Variants in IMPA2 observed in about 807,000 individuals in gnomAD.
IMPA2 encodes the protein IMP 2.
In IMPA2, 32 loss-of-function variants were observed where a neutral mutation model predicts 35.1. The ratio of observed to expected loss-of-function variants is 0.91; its 90% CI spans 0.69 to 1.23. IMPA2 has a LOEUF of 1.23. IMPA2 is among the 50% of genes most tolerant of loss of function. IMPA2 has a pLI of 0.00. For synonymous variants in IMPA2, 135 were observed against 160.6 expected, an observed-to-expected ratio of 0.84 and a Z score of 1.20; for missense variants, 334 against 387.6, an observed-to-expected ratio of 0.86 and a Z score of 1.16.
intron 2 of IMPA2, among the ~76,000 whole-genome samples, chr18:12,002,411 A>ATGAAATCCAAAGGTT (rs1907137785): frequency 6.6e-6 from 1 of 152,170 alleles, no homozygotes; most frequent in African/African-American, 2.4e-5. Flanking sequence ...TCACTCATCC[A>ATGAAATCCAAAGGTT]TGAAATCCAA....
Position 12,027,151 on chromosome 18 carries a change from G to A in IMPA2, c.491-892G>A, listed in dbSNP as rs112270943. 4.5e-3 allele frequency among the ~76,000 whole-genome samples: 682 copies of A among 152,338 alleles called. 5 individuals are homozygous for A. Among genetic ancestry groups the A allele is most frequent in the African/African-American group, 0.015 (630 of 41,582 alleles). ...CATGGAGCACACCTGGTTTGGCACT[G>A]TCCTGCCCGGGCAGTGAGGCCTGAC... On this transcript the variant is annotated intron_variant, in intron 5 of 7. Transcript: ENST00000269159.
At chr18:11,986,200 G>A (rs1030173192) in intron 1 of IMPA2, among the ~76,000 whole-genome samples, 3 of 152,192 alleles carry the variant, frequency 2.0e-5, no homozygotes, top group African/African-American at 7.2e-5. Flanking sequence ...GCTTCCCGAG[G>A]CCCGGCCTTG....
chr18:11,999,142 A>G lies in IMPA2; in HGVS notation c.185A>G (p.Glu62Gly). The change falls in exon 2 of 8, where the codon GAA becomes GGA. Residue 62 changes from glutamate to glycine, a missense_variant. Transcript: ENST00000269159. ...GTGACAGAAACAGATCACCTTGTGG[A>G]AGATTTAATTATTTCTGAGTTGCGA... ...DLVTETDHLV[E>G]DLIISELRER... 1 of 1,613,870 alleles carries G rather than the reference A, an allele frequency of 6.2e-7. No individual in the cohort carries two copies. The highest frequency in any genetic ancestry group is 8.5e-7 in the Non-Finnish European group (1 of 1,179,846).
intron 5 of IMPA2, among the ~76,000 whole-genome samples, chr18:12,027,590 T>TTATA (rs1555647332): frequency 7.8e-6 from 1 of 129,030 alleles, no homozygotes; most frequent in South Asian, 2.8e-4. Context: ...TTTTTTTTTT[T>TTATA]AAAGAAACAG....
chr18:11,985,445 T>C (rs1053860311), intron 1 of IMPA2, among the ~76,000 whole-genome samples: 17 of 152,334 alleles, frequency 1.1e-4, no homozygotes, highest in East Asian at 3.9e-4. Flanking sequence ...GCTTGGCTTA[T>C]TGAAATTTAT....
chr18:12,015,508 G>T (rs943119222), intron 5 of IMPA2, among the ~76,000 whole-genome samples: 1 of 151,432 alleles, frequency 6.6e-6, no homozygotes, highest in South Asian at 2.1e-4. Flanking sequence ...TGGATGAGGT[G>T]TCAGGAGAGG....
chr18:11,988,617 A>T (rs1167341298), intron 1 of IMPA2, among the ~76,000 whole-genome samples: 4 of 152,166 alleles, frequency 2.6e-5, no homozygotes, highest in African/African-American at 9.7e-5. Context: ...GTGGTGAAGA[A>T]GATTTACTTT....
At chr18:12,011,460 C>A (rs537374936) in intron 3 of IMPA2, among the ~76,000 whole-genome samples, 1 of 152,198 alleles carries the variant, frequency 6.6e-6, no homozygotes, top group Non-Finnish European at 1.5e-5. Context: ...TGGAAGCCAG[C>A]GGCTCATCCC....
intron 1 of IMPA2, among the ~76,000 whole-genome samples, chr18:11,984,760 G>C (rs1906608602): frequency 6.6e-6 from 1 of 152,174 alleles, no homozygotes; most frequent in Non-Finnish European, 1.5e-5. Context: ...AAGGTCAGGA[G>C]ATCAAGACCA....
chr18:12,019,141 A>G (rs1377998393), intron 5 of IMPA2, among the ~76,000 whole-genome samples: 2 of 152,090 alleles, frequency 1.3e-5, no homozygotes, highest in East Asian at 3.9e-4. Flanking sequence ...TGATGTCTTA[A>G]AAAATGTCTA....
At chr18:11,983,275 G>C (rs1013067587) in intron 1 of IMPA2, among the ~76,000 whole-genome samples, 2 of 152,160 alleles carry the variant, frequency 1.3e-5, no homozygotes, top group African/African-American at 4.8e-5. Flanking sequence ...TGTGTGCATG[G>C]AACACGGGTT....
chr18:12,027,464 C>T (rs539864619), intron 5 of IMPA2, among the ~76,000 whole-genome samples: 7 of 151,772 alleles, frequency 4.6e-5, no homozygotes, highest in African/African-American at 1.5e-4. Flanking sequence ...TCTATCGTTG[C>T]GATTGCAGCA....
At chr18:11,987,768 G>A (rs73402743) in intron 1 of IMPA2, among the ~76,000 whole-genome samples, 8,821 of 151,480 alleles carry the variant, frequency 0.058, 881 homozygotes, top group African/African-American at 0.2. Context: ...GAGTAGAATC[G>A]CTGTGTCATT....
chr18:12,006,983 T>C (rs1397831712), intron 2 of IMPA2, among the ~76,000 whole-genome samples: 2 of 152,008 alleles, frequency 1.3e-5, no homozygotes, highest in Non-Finnish European at 2.9e-5. Flanking sequence ...TAAAAAAAAT[T>C]AGCCAGGCGT....
At chr18:11,987,690 G>T (rs1057343806) in intron 1 of IMPA2, among the ~76,000 whole-genome samples, 13 of 152,144 alleles carry the variant, frequency 8.5e-5, no homozygotes, top group African/African-American at 3.1e-4. Flanking sequence ...GGGTAACGTT[G>T]CTGTGAACTT....
chr18:12,021,222 A>G lies in IMPA2; in HGVS notation c.491-6821A>G, dbSNP rs141211840. Among the ~76,000 whole-genome samples, 98 of 152,254 alleles carry G rather than the reference A, an allele frequency of 6.4e-4. No individual in the cohort carries two copies. In the East Asian group the frequency reaches 0.018, roughly 27 times the overall value. ...GCCTGGGCCACATAGCAAGACCCCA[A>G]TCTGTACAAAAAATTTAAAAATTAG... On this transcript the variant is annotated intron_variant, in intron 5 of 7. Coordinates refer to ENST00000269159, the MANE Select transcript of IMPA2 (RefSeq NM_014214.3).
At chr18:12,011,498 G>A (rs149746200) in intron 3 of IMPA2, among the ~76,000 whole-genome samples, 2 of 152,366 alleles carry the variant, frequency 1.3e-5, no homozygotes, top group African/African-American at 4.8e-5. Context: ...GGCAGTCAGA[G>A]TTGCATTTGT....
chr18:12,006,998 C>T (rs949348459), intron 2 of IMPA2, among the ~76,000 whole-genome samples: 6 of 152,188 alleles, frequency 3.9e-5, no homozygotes, highest in Admixed American at 1.3e-4. Context: ...AGGCGTGTGG[C>T]GCACGCCTGT....
chr18:11,983,191 AC>A (rs1906556252), intron 1 of IMPA2, among the ~76,000 whole-genome samples: 1 of 152,172 alleles, frequency 6.6e-6, no homozygotes, highest in Non-Finnish European at 1.5e-5. Flanking sequence ...GAAAAGGAGG[AC>A]CCTAAACCTT....
Sources: gnomAD v4.1 joint callset for allele counts (sites outside exome capture counted in the v4.1 genomes callset) on GRCh38, gnomAD v4.1.1 for gene constraint, MANE v1.5 for transcripts, NCBI Gene and HGNC (gene_info 2026-07-23, HGNC 2026-07-21) for gene names.